RAB3GAP1: variants seen among roughly 807,000 people sequenced by gnomAD.
The protein encoded by RAB3GAP1 is rab3 GTPase-activating protein catalytic subunit.
Under a neutral mutation model 130.7 loss-of-function variants are expected in RAB3GAP1, and 86 were observed. The observed-to-expected ratio is 0.66, with a 90% CI of 0.55 to 0.79. The LOEUF is 0.79. Ranked by LOEUF, RAB3GAP1 falls within the 30% of genes least tolerant of loss-of-function variation. The pLI is 0.00. For synonymous variants in RAB3GAP1, 367 were observed against 401.7 expected (o/e 0.91, Z 1.03); for missense variants, 1,029 against 1,169.4 (o/e 0.88, Z 1.75).
intron 9 of RAB3GAP1, among the ~76,000 whole-genome samples, chr2:135,124,964 A>G (rs1691311023): frequency 6.6e-6 from 1 of 152,224 alleles, no homozygotes; most frequent in African/African-American, 2.4e-5. Flanking sequence ...AACTTGAGAT[A>G]TAATTTACCT....
intron 3 of RAB3GAP1, among the ~76,000 whole-genome samples, chr2:135,079,861 G>A (rs1689737857): frequency 6.6e-6 from 1 of 152,178 alleles, no homozygotes; most frequent in African/African-American, 2.4e-5. Flanking sequence ...TGGGCGCGGT[G>A]GCTCACGCCT....
At chr2:135,164,312 T>C (rs952991362) in intron 22 of RAB3GAP1, among the ~76,000 whole-genome samples, 1 of 152,262 alleles carries the variant, frequency 6.6e-6, no homozygotes, top group Non-Finnish European at 1.5e-5. Context: ...TCTAAGCTTC[T>C]AGTCTGAAAA....
intron 5 of RAB3GAP1, among the ~76,000 whole-genome samples, chr2:135,101,040 C>T (rs1257418120): frequency 6.6e-6 from 1 of 152,248 alleles, no homozygotes; most frequent in East Asian, 1.9e-4. Flanking sequence ...TGTTTAAATG[C>T]ACTTTTGAAA....
chr2:135,065,618 T>A (rs1360039978), intron 3 of RAB3GAP1, among the ~76,000 whole-genome samples: 1 of 152,170 alleles, frequency 6.6e-6, no homozygotes, highest in Non-Finnish European at 1.5e-5. Context: ...CTTTTCAATT[T>A]TTTTGTGTTT....
At chr2:135,154,847 G>A (rs1489349519) in intron 19 of RAB3GAP1, among the ~76,000 whole-genome samples, 4 of 152,096 alleles carry the variant, frequency 2.6e-5, no homozygotes, top group Non-Finnish European at 4.4e-5. Context: ...GGATCTTGCG[G>A]AAATGAAAGA....
chr2:135,166,749 G>A (rs1436913591), intron 23 of RAB3GAP1, among the ~76,000 whole-genome samples: 2 of 151,528 alleles, frequency 1.3e-5, no homozygotes, highest in Admixed American at 6.6e-5. Flanking sequence ...TTAAAAGTAG[G>A]GTTATATTAT....
intron 5 of RAB3GAP1, among the ~76,000 whole-genome samples, chr2:135,097,435 G>A (rs956151128): frequency 1.3e-5 from 2 of 151,890 alleles, no homozygotes; most frequent in African/African-American, 4.8e-5. Context: ...TGCCTGGGCT[G>A]GTCTTAAACT....
Position 135,120,826 on chromosome 2 carries a change from CT to C in RAB3GAP1, c.659del (p.Leu220Ter), listed in dbSNP as rs757393692. On this transcript the variant is annotated frameshift_variant, in exon 8 of 24. Transcript: ENST00000264158. LOFTEE classifies it high-confidence loss of function. ...LDIFKSKIGCPLTPLPPVSIA... is the reference protein window; with the variant it reads ...LDIFKSKIGCXLTPLPPVSIA... ...TTTGCATGTATTTCCTAGGGATGTC[CT>C]TTAACTCCATTGCCTCCAGTTAGTA... is the stretch of plus-strand genomic sequence containing the variant. The C allele has an allele frequency of 4.4e-6, 7 of 1,602,420 alleles. No homozygotes were observed. In the Admixed American group the frequency reaches 1.2e-4, roughly 27 times the overall value.
intron 18 of RAB3GAP1, among the ~76,000 whole-genome samples, chr2:135,153,253 T>C (rs1284966443): frequency 6.6e-6 from 1 of 152,230 alleles, no homozygotes; most frequent in Non-Finnish European, 1.5e-5. Context: ...TACTGTAATA[T>C]GAAACTAAGC....
At chr2:135,141,228 C>CTT (rs1553447802) in intron 17 of RAB3GAP1, among the ~76,000 whole-genome samples, 10 of 132,442 alleles carry the variant, frequency 7.6e-5, no homozygotes, top group South Asian at 2.4e-4. Flanking sequence ...TCACTTACTT[C>CTT]TTTTTTTTTT....
chr2:135,146,113 AG>A (rs1176847641), intron 17 of RAB3GAP1, among the ~76,000 whole-genome samples: 1 of 151,912 alleles, frequency 6.6e-6, no homozygotes, highest in African/African-American at 2.4e-5. Flanking sequence ...AAAGTAAGTC[AG>A]AGTTTAGGTT....
intron 7 of RAB3GAP1, among the ~76,000 whole-genome samples, chr2:135,118,874 G>T (rs1323804765): frequency 6.6e-6 from 1 of 150,868 alleles, no homozygotes; most frequent in Admixed American, 6.6e-5. Flanking sequence ...ATTGTGCCAA[G>T]CAGGAGTGAC....
At chr2:135,142,289 T>C (rs1691866082) in intron 17 of RAB3GAP1, among the ~76,000 whole-genome samples, 1 of 152,206 alleles carries the variant, frequency 6.6e-6, no homozygotes, top group South Asian at 2.1e-4. Flanking sequence ...TTGTAATTTC[T>C]TAAATGGTTT....
intron 3 of RAB3GAP1, among the ~76,000 whole-genome samples, chr2:135,088,845 C>G (rs1277809133): frequency 6.6e-6 from 1 of 152,020 alleles, no homozygotes; most frequent in African/African-American, 2.4e-5. Flanking sequence ...AAAATTTTCT[C>G]CCATTCTGTA....
intron 3 of RAB3GAP1, among the ~76,000 whole-genome samples, chr2:135,080,429 AAC>A (rs1234114885): frequency 6.6e-6 from 1 of 152,224 alleles, no homozygotes; most frequent in South Asian, 2.1e-4. Context: ...CAGGAAATAA[AAC>A]ACACAGGCTT....
chr2:135,059,338 C>G (rs1378095397), intron 3 of RAB3GAP1, among the ~76,000 whole-genome samples: 3 of 152,052 alleles, frequency 2.0e-5, no homozygotes, highest in Non-Finnish European at 4.4e-5. Flanking sequence ...AAACCGGGTA[C>G]TTATGAGCTC....
chr2:135,053,894 GAT>G (rs1385746877), intron 2 of RAB3GAP1, among the ~76,000 whole-genome samples: 2 of 152,172 alleles, frequency 1.3e-5, no homozygotes, highest in Admixed American at 6.5e-5. Flanking sequence ...TCATAGAAAA[GAT>G]AGGAAATGAG....
intron 3 of RAB3GAP1, among the ~76,000 whole-genome samples, chr2:135,087,224 G>A (rs1365253154): frequency 2.6e-5 from 4 of 152,154 alleles, no homozygotes; most frequent in East Asian, 3.8e-4. Context: ...GAAGTCAAAT[G>A]TAAGTGCGAA....
At chr2:135,172,307 C>T (rs1265636094), downstream of RAB3GAP1, among the ~76,000 whole-genome samples, 4 of 151,436 alleles carry the variant, frequency 2.6e-5, no homozygotes, top group Non-Finnish European at 2.9e-5. Context: ...TGGTGGTGCA[C>T]GCCTGTAGTC....
Sources: gnomAD v4.1 joint callset for allele counts (sites outside exome capture counted in the v4.1 genomes callset) on GRCh38, gnomAD v4.1.1 for gene constraint, MANE v1.5 for transcripts, NCBI Gene and HGNC (gene_info 2026-07-23, HGNC 2026-07-21) for gene names.